The following SLC39A11 variants were observed in gnomAD, a reference collection of about 807,000 sequenced individuals.
The protein encoded by SLC39A11 is zinc transporter ZIP11.
A neutral mutation model predicts 36.1 loss-of-function variants in SLC39A11; 33 were observed. The observed-to-expected ratio is 0.91, with a 90% CI of 0.69 to 1.22. SLC39A11 has a LOEUF of 1.22. Ranked by LOEUF, SLC39A11 falls within the 50% of genes most tolerant of loss-of-function variation. The pLI is 0.00. For missense variants in SLC39A11, 432 were observed against 430.3 expected (o/e 1.00, Z -0.03); for synonymous variants, 166 against 170.3 (o/e 0.97, Z 0.20).
chr17:72,848,720 TA>T (rs35460918), intron 6 of SLC39A11, among the ~76,000 whole-genome samples: 2,113 of 144,244 alleles, frequency 0.015, 55 homozygotes, highest in African/African-American at 0.046. Context: ...GACTCTGTCT[TA>T]AAAAAAAAAA....
At chr17:72,802,110 CTCTGAA>C (rs2077105399) in intron 6 of SLC39A11, among the ~76,000 whole-genome samples, 1 of 152,188 alleles carries the variant, frequency 6.6e-6, no homozygotes. Context: ...ATCCCACCAT[CTCTGAA>C]TCTGGCTTCC....
At chr17:72,981,897 G>A (rs1348071867) in intron 4 of SLC39A11, among the ~76,000 whole-genome samples, 1 of 152,112 alleles carries the variant, frequency 6.6e-6, no homozygotes, top group Non-Finnish European at 1.5e-5. Context: ...TTCACAGAAA[G>A]GGAAATACAA....
chr17:72,819,954 C>A (rs940296182), intron 6 of SLC39A11, among the ~76,000 whole-genome samples: 1 of 151,096 alleles, frequency 6.6e-6, no homozygotes, highest in East Asian at 1.9e-4. Context: ...TCATGCTAGG[C>A]CCTGTGTTCC....
chr17:72,830,913 G>A (rs1004067081), intron 6 of SLC39A11, among the ~76,000 whole-genome samples: 1 of 152,068 alleles, frequency 6.6e-6, no homozygotes, highest in Non-Finnish European at 1.5e-5. Context: ...ACTCCCAACA[G>A]GAAAGCCCAA....
chr17:73,028,082 C>A (rs1275878347), intron 4 of SLC39A11, among the ~76,000 whole-genome samples: 1 of 152,198 alleles, frequency 6.6e-6, no homozygotes, highest in Non-Finnish European at 1.5e-5. Context: ...TGCCTTCATT[C>A]TGCTCCTGGG....
intron 4 of SLC39A11, among the ~76,000 whole-genome samples, chr17:72,984,819 G>A (rs2088593947): frequency 6.6e-6 from 1 of 152,208 alleles, no homozygotes; most frequent in African/African-American, 2.4e-5. Context: ...GAAGCAGAAT[G>A]TTAAATGAAT....
At chr17:72,944,246 A>G (rs2085287641) in intron 5 of SLC39A11, among the ~76,000 whole-genome samples, 1 of 152,224 alleles carries the variant, frequency 6.6e-6, no homozygotes, top group Admixed American at 6.5e-5. Flanking sequence ...CTCTGTGTGC[A>G]TCGGGCAGCA....
intron 7 of SLC39A11, among the ~76,000 whole-genome samples, chr17:72,678,199 A>T (rs2071357429): frequency 6.6e-6 from 1 of 152,208 alleles, no homozygotes; most frequent in African/African-American, 2.4e-5. Flanking sequence ...AGCCCATTTA[A>T]CTCAAGTGTG....
At chr17:73,036,610 C>A (rs2058924550) in intron 3 of SLC39A11, among the ~76,000 whole-genome samples, 1 of 152,042 alleles carries the variant, frequency 6.6e-6, no homozygotes, top group Admixed American at 6.6e-5. Context: ...TGCCGCCCAG[C>A]TCATTTTTGT....
chr17:72,735,838 A>C (rs1310554392), intron 7 of SLC39A11, among the ~76,000 whole-genome samples: 2 of 152,156 alleles, frequency 1.3e-5, no homozygotes, highest in East Asian at 3.8e-4. Context: ...CAAGGCTGTG[A>C]CCTTACCTAT....
At chr17:72,653,100 CT>C (rs199892970) in intron 7 of SLC39A11, among the ~76,000 whole-genome samples, 1,617 of 89,428 alleles carry the variant, frequency 0.018, 39 homozygotes, top group African/African-American at 0.074. Context: ...CTGTTGCACG[CT>C]TTTTTTTTCT....
At chr17:72,785,123 C>A (rs1899077455) in intron 6 of SLC39A11, among the ~76,000 whole-genome samples, 1 of 152,272 alleles carries the variant, frequency 6.6e-6, no homozygotes, top group South Asian at 2.1e-4. Flanking sequence ...ACCTCAGCCT[C>A]CCAAAGTGCT....
At chr17:72,773,179 A>G (rs2076010055) in intron 6 of SLC39A11, among the ~76,000 whole-genome samples, 2 of 152,228 alleles carry the variant, frequency 1.3e-5, no homozygotes, top group African/African-American at 4.8e-5. Flanking sequence ...CTTGACACAA[A>G]TGAATTGTCC....
At chr17:72,715,672 A>T (rs1328902954) in intron 7 of SLC39A11, among the ~76,000 whole-genome samples, 1 of 152,158 alleles carries the variant, frequency 6.6e-6, no homozygotes, top group East Asian at 1.9e-4. Flanking sequence ...GTGCCTAATG[A>T]TTAATGTATA....
chr17:72,683,994 C>T (rs561892096), intron 7 of SLC39A11, among the ~76,000 whole-genome samples: 179 of 152,250 alleles, frequency 1.2e-3, no homozygotes, highest in African/African-American at 4.2e-3. Flanking sequence ...CTTTAAGTCC[C>T]AGGGGAAGGG....
chr17:73,080,358 A>G (rs2060470418), intron 3 of SLC39A11, among the ~76,000 whole-genome samples: 1 of 152,246 alleles, frequency 6.6e-6, no homozygotes, highest in African/African-American at 2.4e-5. Flanking sequence ...CTGATCTTCT[A>G]CAAAGCAAAC....
chr17:72,939,457 C>CA (rs2084962236), intron 5 of SLC39A11, among the ~76,000 whole-genome samples: 1 of 11,024 alleles, frequency 9.1e-5, no homozygotes, highest in Admixed American at 1.7e-3. Flanking sequence ...GGTTCCGTCT[C>CA]GAAAAAAAAA....
In SLC39A11 at chr17:72,849,718, G is replaced by A. The variant is rs1201820073; in HGVS notation, c.517C>T (p.Arg173Ter). The stretch of plus-strand genomic sequence containing the variant: ...CCGCCGGGCTGTGCCAGATTCCCTC[G>A]AGAAGGCACAGGGACAGCAGGACCC... ...PEGPAVPVPS[R>*]GNLAQPGGSS... The change falls in exon 6 of 10, where the codon CGA (arginine) becomes TGA (stop). Residue 173 changes from arginine to a stop codon, truncating the protein, a stop_gained. Coordinates refer to ENST00000255559, the MANE Select transcript of SLC39A11 (RefSeq NM_139177.4). LOFTEE classifies it high-confidence loss of function. 10 of 1,611,524 alleles carry A rather than the reference G, an allele frequency of 6.2e-6. No homozygotes were observed. In the East Asian group the frequency reaches 1.1e-4, roughly 18 times the overall value.
At chr17:72,830,518 C>A (rs978060324) in intron 6 of SLC39A11, among the ~76,000 whole-genome samples, 4 of 152,172 alleles carry the variant, frequency 2.6e-5, no homozygotes, top group Admixed American at 2.0e-4. Context: ...ACTCTTCTGT[C>A]CAGCAACCTG....
Sources: gnomAD v4.1 joint callset for allele counts (sites outside exome capture counted in the v4.1 genomes callset) on GRCh38, gnomAD v4.1.1 for gene constraint, MANE v1.5 for transcripts, NCBI Gene and HGNC (gene_info 2026-07-23, HGNC 2026-07-21) for gene names.